Variants in APBA2 observed in about 807,000 individuals in gnomAD.
APBA2 encodes amyloid beta precursor protein binding family A member 2.
A neutral mutation model predicts 75.0 loss-of-function variants in APBA2; 30 were observed. The ratio of observed to expected loss-of-function variants is 0.40; its 90% CI spans 0.30 to 0.54. The LOEUF (loss-of-function observed/expected upper bound fraction) is 0.54. Among genes scored for constraint, APBA2 ranks in the 20% least tolerant of loss-of-function variants. The pLI is 0.49. For missense variants in APBA2, 801 were observed against 1,016.1 expected (o/e 0.79, Z 2.88); for synonymous variants, 444 against 409.6 (o/e 1.08, Z -1.01).
rs1358266052 is a variant in APBA2, at chr15:29,046,545, C to T, written c.-40-7300C>T. Among the ~76,000 whole-genome samples, 5 of 152,154 alleles carry T rather than the reference C, an allele frequency of 3.3e-5. No homozygotes were observed. The highest frequency in any genetic ancestry group is 2.1e-4 in the South Asian group (1 of 4,826). On this transcript the variant is annotated intron_variant, in intron 3 of 14. Transcript: ENST00000683413. This position sits in a 1 kb window ranked among gnomAD's most constrained non-coding sequence, Gnocchi z 5.0. ...AGGAGGTCAGATCCATTCCCTGGGC[C>T]GTCATCAGAGACCTGCAAGCATCTA...
intron 2 of APBA2, among the ~76,000 whole-genome samples, chr15:28,972,283 A>G (rs538714815): frequency 1.4e-4 from 22 of 152,356 alleles, no homozygotes; most frequent in Non-Finnish European, 2.5e-4. Flanking sequence ...ATGGAACAGA[A>G]CTAAAAATTT....
At chr15:28,984,919 C>A (rs527658322) in intron 2 of APBA2, among the ~76,000 whole-genome samples, 19 of 149,086 alleles carry the variant, frequency 1.3e-4, no homozygotes, top group East Asian at 1.2e-3. Context: ...GCTGCTCTCT[C>A]TCTCTCTCTC....
rs535649181 is a variant in APBA2, at chr15:28,910,324, C to T, written c.-204-11316C>T. On this transcript the variant is annotated intron_variant, in intron 1 of 14. Transcript: ENST00000683413. ...CTGTCCTCAGGTGGGTGGGCAGGGA[C>T]GGCAGCTTGCCGTAAGGTATCCAAC... Among the ~76,000 whole-genome samples, 8 of 152,184 alleles carry T rather than the reference C, an allele frequency of 5.3e-5. No homozygotes were observed. The South Asian group carries it at 1.5e-3, about 28-fold the overall frequency.
chr15:28,999,893 A>G (rs2038751336), intron 3 of APBA2, among the ~76,000 whole-genome samples: 2 of 152,190 alleles, frequency 1.3e-5, no homozygotes, highest in South Asian at 4.1e-4. Flanking sequence ...AGGCCTGGAA[A>G]GCAGAGAACT....
At chr15:28,927,871 C>CG (rs912463257) in intron 2 of APBA2, among the ~76,000 whole-genome samples, 1 of 151,620 alleles carries the variant, frequency 6.6e-6, no homozygotes, top group Non-Finnish European at 1.5e-5. Flanking sequence ...GGGCTGGGCG[C>CG]GGTGGCTCAC....
At chr15:28,994,472 A>G (rs1471254190) in intron 2 of APBA2, among the ~76,000 whole-genome samples, 5 of 152,178 alleles carry the variant, frequency 3.3e-5, no homozygotes, top group Non-Finnish European at 7.3e-5. Flanking sequence ...TGGGAAAGAA[A>G]TGGAACAACG....
intron 2 of APBA2, among the ~76,000 whole-genome samples, chr15:28,936,544 A>C (rs1432236115): frequency 6.6e-6 from 1 of 152,232 alleles, no homozygotes; most frequent in Non-Finnish European, 1.5e-5. Flanking sequence ...TAGCAGCTTT[A>C]TTCCCAAGGC....
At chr15:28,975,677 A>G (rs185886787) in intron 2 of APBA2, among the ~76,000 whole-genome samples, 40 of 152,384 alleles carry the variant, frequency 2.6e-4, no homozygotes, top group Non-Finnish European at 7.3e-5. Flanking sequence ...CTGCTTTCGC[A>G]TGATGGGGGA....
chr15:29,111,132 A>G (rs1182217828), intron 13 of APBA2, among the ~76,000 whole-genome samples: 1 of 151,884 alleles, frequency 6.6e-6, no homozygotes, highest in Non-Finnish European at 1.5e-5. Flanking sequence ...TGGCAATACG[A>G]AAGAGAGGGT....
rs530047698 is a variant in APBA2, at chr15:28,991,801, A to G, written c.-94-3952A>G. On this transcript the variant is annotated intron_variant, in intron 2 of 14. Coordinates refer to ENST00000683413, the MANE Select transcript of APBA2 (RefSeq NM_001353788.2). The surrounding 1 kb of genome is among the most constrained non-coding windows in gnomAD (Gnocchi z 4.7). ...TCAGTGTGGCCAGAGCCTCCTGTCA[A>G]CAAGTATGTCACTGCCTTCGGGTTA... Among the ~76,000 whole-genome samples, 12 of 152,224 alleles carry G rather than the reference A, an allele frequency of 7.9e-5. No individual in the cohort carries two copies. The highest frequency in any genetic ancestry group is 2.9e-4 in the African/African-American group (12 of 41,552).
At chr15:28,912,543 G>C (rs148365206) in intron 1 of APBA2, among the ~76,000 whole-genome samples, 1,669 of 152,314 alleles carry the variant, frequency 0.011, 32 homozygotes, top group African/African-American at 0.033. Flanking sequence ...CAGGGTGAGC[G>C]CGGTTCAGGC....
chr15:29,039,772 T>A (rs1024199184), intron 3 of APBA2, among the ~76,000 whole-genome samples: 1 of 152,082 alleles, frequency 6.6e-6, no homozygotes, highest in Non-Finnish European at 1.5e-5. Context: ...TTAATGTACC[T>A]CCCCAAATCT....
At chr15:28,996,152 T>C (rs2038505862) in intron 3 of APBA2, among the ~76,000 whole-genome samples, 2 of 152,158 alleles carry the variant, frequency 1.3e-5, no homozygotes, top group Admixed American at 1.3e-4. Context: ...GACTCAGTCA[T>C]TGATTTGTGT....
chr15:29,063,239 A>T (rs56233931), intron 4 of APBA2, among the ~76,000 whole-genome samples: 844 of 34,786 alleles, frequency 0.024, no homozygotes, highest in African/African-American at 0.064. Context: ...CTGTATGGGT[A>T]GGGAGGGAAG....
At chr15:29,064,328 G>A (rs140311859) in intron 4 of APBA2, among the ~76,000 whole-genome samples, 7 of 152,284 alleles carry the variant, frequency 4.6e-5, no homozygotes, top group African/African-American at 1.7e-4. Flanking sequence ...GTGGGGGGCC[G>A]GCCCTCCCTG....
At position 29,046,384 on chromosome 15, in the gene APBA2, C is replaced by T. The variant is rs2152873998; in HGVS notation, c.-40-7461C>T. Among the ~76,000 whole-genome samples, 1 of 152,348 alleles carries T rather than the reference C, an allele frequency of 6.6e-6. No individual in the cohort carries two copies. The highest frequency in any genetic ancestry group is 2.4e-5 in the African/African-American group (1 of 41,586). ...CTGTGCTCTGAATAGCCCCGTCCTG[C>T]CAGGCCACCCACCTTTGCCCTTGTT... On this transcript the variant is annotated intron_variant, in intron 3 of 14. Transcript: ENST00000683413. The surrounding 1 kb of genome is among the most constrained non-coding windows in gnomAD (Gnocchi z 5.0).
At chr15:28,983,330 G>C (rs1450184164) in intron 2 of APBA2, among the ~76,000 whole-genome samples, 1 of 152,166 alleles carries the variant, frequency 6.6e-6, no homozygotes, top group African/African-American at 2.4e-5. Flanking sequence ...TCATTTTCCA[G>C]ACGAAAAGAT....
rs565516587 is a variant in APBA2, at chr15:29,008,511, C to T, written c.-41+12705C>T. Among the ~76,000 whole-genome samples the T allele has an allele frequency of 2.0e-5, 3 of 152,064 alleles. No homozygotes were observed. In the South Asian group the frequency reaches 6.2e-4, roughly 32 times the overall value. ...CATAGATGGCAGGATCACTTGAGTC[C>T]AGGAGTTCGAGACCAGCCTGGGCAA... On this transcript the variant is annotated intron_variant, in intron 3 of 14. Coordinates refer to ENST00000683413, the MANE Select transcript of APBA2 (RefSeq NM_001353788.2).
chr15:28,989,978 T>C (rs896901731), intron 2 of APBA2, among the ~76,000 whole-genome samples: 1 of 152,126 alleles, frequency 6.6e-6, no homozygotes, highest in African/African-American at 2.4e-5. Context: ...CAGTTTAGTA[T>C]CGAGAATCAC....
Sources: gnomAD v4.1 joint callset for allele counts (sites outside exome capture counted in the v4.1 genomes callset) on GRCh38, gnomAD v4.1.1 for gene constraint, Gnocchi (gnomAD v3.1) non-coding constraint, MANE v1.5 for transcripts, NCBI Gene and HGNC (gene_info 2026-07-23, HGNC 2026-07-21) for gene names.